The following MIPEP variants were observed in gnomAD, a reference collection of about 807,000 sequenced individuals.
The protein encoded by MIPEP is mitochondrial intermediate peptidase.
MIPEP carries 79 observed loss-of-function variants against 90.3 expected under a neutral mutation model. The ratio of observed to expected loss-of-function variants is 0.87; its 90% confidence interval spans 0.73 to 1.05. The LOEUF (loss-of-function observed/expected upper bound fraction) is 1.05, where lower values mean the gene tolerates loss of function less well. Ranked by LOEUF, MIPEP falls within the 50% of genes least tolerant of loss-of-function variation. MIPEP has a pLI of 0.00. For missense variants in MIPEP, 940 were observed against 905.6 expected (o/e 1.04, Z -0.49); for synonymous variants, 334 against 315.8 (o/e 1.06, Z -0.61).
At chr13:23,806,207 G>A (rs1953105260) in intron 15 of MIPEP, 138 bp from the exon 16 acceptor site, 3 of 842,778 alleles carry the variant, frequency 3.6e-6, no homozygotes, top group African/African-American at 1.7e-5. Flanking sequence ...AAACTTACAT[G>A]GTTTGAAATG....
chr13:23,760,473 C>A (rs1952529834), intron 16 of MIPEP: 1 of 666,238 alleles, frequency 1.5e-6, no homozygotes, highest in African/African-American at 1.8e-5. Flanking sequence ...GAGACACAGC[C>A]TCCAAAGACG....
At chr13:23,770,329 C>T (rs977233743) in intron 16 of MIPEP, among the ~76,000 whole-genome samples, 6 of 152,188 alleles carry the variant, frequency 3.9e-5, no homozygotes, top group African/African-American at 1.4e-4. Context: ...CTCAGATACT[C>T]TTCCCCCAGG....
rs112609798 is a variant in MIPEP at position 23,869,820 on chromosome 13, A to G, written c.786+193T>C. On this transcript the variant is annotated intron_variant, in intron 6 of 18. Transcript: ENST00000382172. ...CTTTAAAAATAAGGAGTCTTGTATG[A>G]AATATAAGTAATTAAATCATTTTCA... Among the ~76,000 whole-genome samples the G allele has an allele frequency of 4.1e-3, 632 of 152,356 alleles. 5 individuals are homozygous for G. The highest frequency in any genetic ancestry group is 0.015 in the African/African-American group (604 of 41,576).
At chr13:23,736,503 G>A (rs890073674) in intron 18 of MIPEP, among the ~76,000 whole-genome samples, 2 of 152,092 alleles carry the variant, frequency 1.3e-5, no homozygotes, top group Non-Finnish European at 2.9e-5. Context: ...TCAAATTAGC[G>A]TGTTTCATAA....
intron 18 of MIPEP, among the ~76,000 whole-genome samples, chr13:23,750,902 C>T (rs748183788): frequency 1.1e-4 from 17 of 152,196 alleles, no homozygotes; most frequent in Non-Finnish European, 1.5e-4. Flanking sequence ...GCCCCTGCTG[C>T]GATGACACAT....
At chr13:23,763,114 C>T (rs1952564883) in intron 16 of MIPEP, among the ~76,000 whole-genome samples, 1 of 152,212 alleles carries the variant, frequency 6.6e-6, no homozygotes, top group Non-Finnish European at 1.5e-5. Context: ...AGTCAAAAGG[C>T]TTTTAGAATT....
chr13:23,786,876 G>C (rs1952847377), intron 16 of MIPEP, among the ~76,000 whole-genome samples: 1 of 152,190 alleles, frequency 6.6e-6, no homozygotes, highest in Admixed American at 6.5e-5. Flanking sequence ...GGCTAAAGTA[G>C]TCAAGTGCAC....
chr13:23,862,062 T>C (rs371724648), intron 9 of MIPEP, among the ~76,000 whole-genome samples: 2 of 152,176 alleles, frequency 1.3e-5, no homozygotes, highest in East Asian at 1.9e-4. Flanking sequence ...TATATACACA[T>C]TGTGTTAGTG....
intron 16 of MIPEP, among the ~76,000 whole-genome samples, chr13:23,801,123 C>G (rs1039832744): frequency 5.9e-5 from 9 of 152,184 alleles, no homozygotes; most frequent in Admixed American, 2.6e-4. Context: ...TAAAAGGATT[C>G]ATTTCAGAGA....
intron 18 of MIPEP, chr13:23,747,415 T>C: frequency 2.6e-6 from 1 of 391,462 alleles, no homozygotes; most frequent in South Asian, 1.9e-5. Context: ...TTTCTTCTAG[T>C]GGTGTCCCCT....
At chr13:23,741,369 C>A (rs540409384) in intron 18 of MIPEP, among the ~76,000 whole-genome samples, 16 of 152,010 alleles carry the variant, frequency 1.1e-4, no homozygotes, top group Admixed American at 6.6e-5. Context: ...GACATATGCA[C>A]GTGAATGTTC....
chr13:23,831,546 G>A (rs1868766749), intron 14 of MIPEP, among the ~76,000 whole-genome samples: 1 of 152,158 alleles, frequency 6.6e-6, no homozygotes, highest in Non-Finnish European at 1.5e-5. Context: ...CCTGGTGAGA[G>A]CCTTGTGCTG....
chr13:23,766,708 G>A lies in MIPEP; in HGVS notation c.1849-6491C>T, dbSNP rs528664648. Among the ~76,000 whole-genome samples the A allele has an allele frequency of 7.2e-5, 11 of 152,284 alleles. No homozygotes were observed. The East Asian group carries it at 7.7e-4, about 11-fold the overall frequency. ...TGAAATAACAGTGCCCAACAGACAG[G>A]AATTCTCCATTTGGAATATAAAGTG... On this transcript the variant is annotated intron_variant, in intron 16 of 18. Transcript: ENST00000382172.
intron 16 of MIPEP, among the ~76,000 whole-genome samples, chr13:23,762,336 C>A (rs1952556179): frequency 6.6e-6 from 1 of 152,126 alleles, no homozygotes; most frequent in Non-Finnish European, 1.5e-5. Context: ...AATATGGTTA[C>A]TTCATCACAG....
intron 9 of MIPEP, among the ~76,000 whole-genome samples, chr13:23,859,119 AACTAAG>A (rs1870176327): frequency 6.6e-6 from 1 of 152,200 alleles, no homozygotes; most frequent in Admixed American, 6.5e-5. Context: ...AGTGAAGTAT[AACTAAG>A]ACCTACCCCA....
chr13:23,799,955 C>T (rs1010346455), intron 16 of MIPEP, among the ~76,000 whole-genome samples: 3 of 152,150 alleles, frequency 2.0e-5, no homozygotes, highest in African/African-American at 7.2e-5. Context: ...ACTTAGAGTG[C>T]TCAGAACTTT....
At chr13:23,746,741 C>T (rs1051745931) in intron 18 of MIPEP, among the ~76,000 whole-genome samples, 4 of 151,702 alleles carry the variant, frequency 2.6e-5, no homozygotes, top group Non-Finnish European at 4.4e-5. Context: ...ACTGAGAGAA[C>T]GTTACCTACA....
rs141972669 is a variant in MIPEP, at chr13:23,800,142, G to C, written c.1848+5808C>G. Among the ~76,000 whole-genome samples the C allele has an allele frequency of 2.1e-3, 322 of 152,232 alleles. 1 individual carries two copies. The highest frequency in any genetic ancestry group is 7.4e-3 in the African/African-American group (307 of 41,544). ...AACACTAAAATACAACTGCTTAACA[G>C]ATCTTCAAAACCTAGAGTCAGCTGT... On this transcript the variant is annotated intron_variant, in intron 16 of 18. Transcript: ENST00000382172.
At chr13:23,854,669 AT>A (rs1566018502) in intron 10 of MIPEP, among the ~76,000 whole-genome samples, 1 of 152,182 alleles carries the variant, frequency 6.6e-6, no homozygotes, top group Non-Finnish European at 1.5e-5. Context: ...AGGCAGGCGG[AT>A]CACTTGAGGC....
Sources: allele counts gnomAD v4.1 joint callset (sites outside exome capture counted in the v4.1 genomes callset), GRCh38; gene constraint gnomAD v4.1.1; transcripts MANE v1.5; gene names NCBI Gene and HGNC (gene_info 2026-07-23, HGNC 2026-07-21).